COL22A1: variants seen among roughly 807,000 people sequenced by gnomAD.
COL22A1 encodes collagen alpha-1(XXII) chain.
COL22A1 carries 221 observed loss-of-function variants against 248.9 expected under a neutral mutation model. The observed-to-expected ratio is 0.89, with a 90% CI of 0.80 to 0.99. The LOEUF (loss-of-function observed/expected upper bound fraction) is 0.99. COL22A1 is among the 50% of genes least tolerant of loss of function. COL22A1 has a pLI of 0.00. For missense variants in COL22A1, 2,240 were observed against 2,179.0 expected, an observed-to-expected ratio of 1.03 and a Z score of -0.56; for synonymous variants, 891 against 793.4, an observed-to-expected ratio of 1.12 and a Z score of -2.07.
intron 51 of COL22A1, 107 bp from the exon 52 acceptor site, chr8:138,623,892 T>A: frequency 1.1e-6 from 1 of 919,426 alleles, no homozygotes; most frequent in Non-Finnish European, 1.7e-6. Context: ...GCAGTTGCCT[T>A]CACAGTTGGC....
intron 16 of COL22A1, 45 bp downstream of exon 16, chr8:138,775,921 T>G: frequency 6.3e-7 from 1 of 1,593,814 alleles, no homozygotes; most frequent in East Asian, 2.2e-5. Context: ...CCTCTCCCTT[T>G]TCTATGGAAA....
At chr8:138,750,484 G>A (rs1424137790) in intron 22 of COL22A1, among the ~76,000 whole-genome samples, 1 of 152,188 alleles carries the variant, frequency 6.6e-6, no homozygotes, top group Admixed American at 6.5e-5. Context: ...CTGTGATGGG[G>A]AGGCAACCCC....
At chr8:138,633,113 G>A (rs1564121277) in intron 49 of COL22A1, among the ~76,000 whole-genome samples, 1 of 152,312 alleles carries the variant, frequency 6.6e-6, no homozygotes, top group South Asian at 2.1e-4. Flanking sequence ...ACAACAAAGA[G>A]CAAAACTAAA....
chr8:138,860,071 C>T (rs1344349281), intron 3 of COL22A1, among the ~76,000 whole-genome samples: 1 of 152,132 alleles, frequency 6.6e-6, no homozygotes, highest in Non-Finnish European at 1.5e-5. Context: ...AACCCCTTCA[C>T]CCACCCCACC....
Position 138,589,160 on chromosome 8 carries a change from A to G in COL22A1, c.*93T>C. 1 of 1,165,022 alleles carries G rather than the reference A, an allele frequency of 8.6e-7. No individual in the cohort carries two copies. The highest frequency in any genetic ancestry group is 1.2e-6 in the Non-Finnish European group (1 of 823,002). The allele number at this position is 1,165,022 out of a possible 1,614,324, so 72.2% of individuals were successfully genotyped here. A position where few individuals can be genotyped will look rare whatever the true frequency, so the allele number is the denominator to read the frequency against. ...AAAGAAAGAAAAAAAAAAGGAACAC[A>G]TGGCTGAAGTCTTTCAAGACCTCTG... On this transcript the variant is annotated 3_prime_UTR_variant, in exon 65 of 65. Transcript: ENST00000303045.
intron 43 of COL22A1, among the ~76,000 whole-genome samples, chr8:138,661,413 G>A (rs1823945775): frequency 6.6e-6 from 1 of 152,154 alleles, no homozygotes; most frequent in South Asian, 2.1e-4. Context: ...GTCCTATAAG[G>A]ACTCATGGTT....
intron 9 of COL22A1, among the ~76,000 whole-genome samples, chr8:138,808,668 T>C (rs1045951597): frequency 2.0e-5 from 3 of 152,172 alleles, no homozygotes; most frequent in African/African-American, 7.2e-5. Context: ...GATATAAATA[T>C]CACCACATTA....
At chr8:138,744,772 T>G (rs1327941515) in intron 22 of COL22A1, among the ~76,000 whole-genome samples, 1 of 152,232 alleles carries the variant, frequency 6.6e-6, no homozygotes, top group Non-Finnish European at 1.5e-5. Flanking sequence ...TCAATGTTAT[T>G]TCCTTTCTCC....
In COL22A1 at chr8:138,877,760, A is replaced by C. The variant is rs1203400076; in HGVS notation, c.648T>G (p.Arg216=). The change falls in exon 3 of 65, where the codon CGT becomes CGG. Residue 216 remains arginine (R), a synonymous_variant. Transcript: ENST00000303045. The stretch of plus-strand genomic sequence containing the variant: ...CCCGGGCGCACTCACTTTCACAAAG[A>C]CGGCGCCGCAGCTTGCCCCGGATCT... ...IDKIRGKLRR[R]LCENVLCPSV... 3 of 1,584,142 alleles carry C rather than the reference A, an allele frequency of 1.9e-6. No individual in the cohort carries two copies. Among genetic ancestry groups the C allele is most frequent in the Admixed American group, 1.7e-5 (1 of 57,408 alleles).
chr8:138,810,382 C>G (rs983278596), intron 9 of COL22A1, among the ~76,000 whole-genome samples: 2 of 152,208 alleles, frequency 1.3e-5, no homozygotes, highest in Admixed American at 1.3e-4. Flanking sequence ...TGGGTTTCAA[C>G]AGCTGCTTCT....
In COL22A1 at chr8:138,780,985, AGCC is replaced by A. The variant is rs1376352684; in HGVS notation, c.1597-8_1597-6del. The A allele has an allele frequency of 4.4e-6, 7 of 1,594,908 alleles. No individual in the cohort carries two copies. The highest frequency in any genetic ancestry group is 3.6e-5 in the Admixed American group (2 of 55,760). On this transcript the variant is annotated splice_polypyrimidine_tract_variant and splice_region_variant and intron_variant, in intron 12 of 64. Transcript: ENST00000303045. ...GCCGGGCAGGCCCAGGGAACCCTAA[AGCC>A]AAAAAAAGAGAATAGCAATTAGTAA...
At chr8:138,684,784 C>T (rs1268650020) in intron 38 of COL22A1, among the ~76,000 whole-genome samples, 1 of 152,192 alleles carries the variant, frequency 6.6e-6, no homozygotes, top group Non-Finnish European at 1.5e-5. Flanking sequence ...TCAAAGCAGG[C>T]TTTGAAACCT....
At chr8:138,781,912 C>T (rs1815047971) in intron 12 of COL22A1, among the ~76,000 whole-genome samples, 1 of 152,184 alleles carries the variant, frequency 6.6e-6, no homozygotes, top group South Asian at 2.1e-4. Flanking sequence ...AGATGAAACT[C>T]TACTATGTAA....
At chr8:138,841,185 A>G (rs1317476248) in intron 4 of COL22A1, among the ~76,000 whole-genome samples, 1 of 152,134 alleles carries the variant, frequency 6.6e-6, no homozygotes, top group East Asian at 1.9e-4. Context: ...TCATTCATAT[A>G]TCCATCCATT....
At chr8:138,841,228 G>C (rs150475490) in intron 4 of COL22A1, among the ~76,000 whole-genome samples, 4 of 152,220 alleles carry the variant, frequency 2.6e-5, no homozygotes, top group East Asian at 3.9e-4. Flanking sequence ...TTCCTTCTAA[G>C]TGTCAGGTAC....
Position 138,755,134 on chromosome 8 carries a change from T to C in COL22A1, c.2031+23A>G, listed in dbSNP as rs775648140. On this transcript the variant is annotated intron_variant, in intron 21 of 64. Transcript: ENST00000303045. The stretch of plus-strand genomic sequence containing the variant: ...TAAGAGAAGCGTGCAGAGCAAACCC[T>C]GCGCAGGAGAGGGACAACTTACCCG... 5 of 1,613,404 alleles carry C rather than the reference T, an allele frequency of 3.1e-6. No homozygotes were observed. In the South Asian group the frequency reaches 3.3e-5, roughly 11 times the overall value.
chr8:138,694,902 A>T (rs762854234), intron 32 of COL22A1, 23 bp from the exon 33 acceptor site: 1 of 1,612,380 alleles, frequency 6.2e-7, no homozygotes, highest in Non-Finnish European at 8.5e-7. Flanking sequence ...AGCATAGGGT[A>T]GAGTGGACTT....
chr8:138,798,135 TTTG>T (rs1267297170), intron 11 of COL22A1, among the ~76,000 whole-genome samples: 7 of 148,922 alleles, frequency 4.7e-5, no homozygotes, highest in African/African-American at 7.4e-5. Flanking sequence ...GTACAACAAA[TTTG>T]TTGTTGTACA....
chr8:138,600,354 G>A (rs1048990032), intron 60 of COL22A1, among the ~76,000 whole-genome samples: 2 of 152,212 alleles, frequency 1.3e-5, no homozygotes, highest in African/African-American at 2.4e-5. Flanking sequence ...TGGCATGGCT[G>A]AGAACGTGAC....
Sources: gnomAD v4.1 joint callset for allele counts (sites outside exome capture counted in the v4.1 genomes callset) on GRCh38, gnomAD v4.1.1 for gene constraint, MANE v1.5 for transcripts, NCBI Gene and HGNC (gene_info 2026-07-23, HGNC 2026-07-21) for gene names.